Variants in RGS6 observed in about 807,000 individuals in gnomAD.
RGS6 encodes regulator of G protein signaling 6.
RGS6 carries 30 observed loss-of-function variants against 78.5 expected under a neutral mutation model. That is an observed-to-expected ratio of 0.38 (90% CI 0.29 to 0.52). The LOEUF (loss-of-function observed/expected upper bound fraction) is 0.52. Among genes scored for constraint, RGS6 ranks in the 20% least tolerant of loss-of-function variants. RGS6 has a pLI of 0.85. For missense variants in RGS6, 495 were observed against 609.7 expected (o/e 0.81, Z 1.98); for synonymous variants, 206 against 206.0 (o/e 1.00, Z 0.00).
At chr14:72,573,603 T>G in the RGS6 span, among the ~76,000 whole-genome samples, 4 of 152,122 alleles carry the variant, frequency 2.6e-5, no homozygotes, top group Non-Finnish European at 5.9e-5. Flanking sequence ...CAAATTGAAG[T>G]CCAGAATAGA....
At chr14:71,961,788 CT>C (rs370459445) in intron 1 of RGS6, among the ~76,000 whole-genome samples, 1 of 152,252 alleles carries the variant, frequency 6.6e-6, no homozygotes, top group African/African-American at 2.4e-5. Context: ...ATTGAAGCCC[CT>C]GGGTTGTTTA....
intron 2 of RGS6, among the ~76,000 whole-genome samples, chr14:72,096,280 TAA>T (rs34691700): frequency 7.6e-5 from 11 of 144,172 alleles, no homozygotes; most frequent in Admixed American, 1.4e-4. Context: ...GACTCTGTCT[TAA>T]AAAAAAAAAA....
intron 17 of RGS6, among the ~76,000 whole-genome samples, chr14:72,544,436 T>C (rs180960048): frequency 5.2e-4 from 79 of 152,250 alleles, no homozygotes; most frequent in Non-Finnish European, 8.2e-4. Context: ...AGCTCCAGCC[T>C]TGGGCTCCAA....
intron 2 of RGS6, among the ~76,000 whole-genome samples, chr14:72,138,492 G>C (rs1224552289): frequency 1.5e-5 from 2 of 134,734 alleles, no homozygotes; most frequent in East Asian, 4.5e-4. Context: ...TGGAGGGAGA[G>C]TTCTTCTATC....
At chr14:71,880,215 G>A in the RGS6 span, among the ~76,000 whole-genome samples, 13 of 152,334 alleles carry the variant, frequency 8.5e-5, 1 homozygote, top group African/African-American at 2.6e-4. Flanking sequence ...TGACTTGGGT[G>A]CTGTTAAAGG....
intron 2 of RGS6, among the ~76,000 whole-genome samples, chr14:72,246,564 CTA>C (rs1327687300): frequency 6.6e-6 from 1 of 152,066 alleles, no homozygotes; most frequent in Non-Finnish European, 1.5e-5. Flanking sequence ...TAATAAAAGA[CTA>C]TGTTTTATGT....
chr14:72,084,662 G>A (rs1034914124), intron 2 of RGS6, among the ~76,000 whole-genome samples: 1 of 152,002 alleles, frequency 6.6e-6, no homozygotes, highest in African/African-American at 2.4e-5. Context: ...CTTTTATTGT[G>A]TTTAGCAATC....
At chr14:72,247,259 A>T (rs945362087) in intron 2 of RGS6, among the ~76,000 whole-genome samples, 1 of 152,152 alleles carries the variant, frequency 6.6e-6, no homozygotes, top group Non-Finnish European at 1.5e-5. Flanking sequence ...GCTCCCTGAA[A>T]GTTGGGGTTA....
At chr14:72,609,105 A>C in the RGS6 span, among the ~76,000 whole-genome samples, 1 of 152,256 alleles carries the variant, frequency 6.6e-6, no homozygotes, top group African/African-American at 2.4e-5. Context: ...GTGGGTAGTC[A>C]ACATTGCTAA....
chr14:72,411,244 A>C (rs999914083), intron 3 of RGS6, among the ~76,000 whole-genome samples: 1 of 151,988 alleles, frequency 6.6e-6, no homozygotes, highest in Non-Finnish European at 1.5e-5. Context: ...CTTTTATTTC[A>C]TTGAGTAGTG....
intron 2 of RGS6, among the ~76,000 whole-genome samples, chr14:72,265,059 A>G (rs964632545): frequency 3.9e-5 from 6 of 152,134 alleles, no homozygotes; most frequent in African/African-American, 1.4e-4. Context: ...AATGTGGGAG[A>G]ATGGAATTAG....
chr14:72,023,309 C>G lies in RGS6; in HGVS notation c.84+58434C>G, dbSNP rs144164372. On this transcript the variant is annotated intron_variant, in intron 2 of 17. Transcript: ENST00000553525. ...TCCGGCTACCCAAGAAAGTCAATTT[C>G]CTTCTTTAATAGCTGTGACTCATTT... 4.6e-3 allele frequency among the ~76,000 whole-genome samples: 698 copies of G among 152,288 alleles called. 4 individuals are homozygous for G. Among genetic ancestry groups the G allele is most frequent in the African/African-American group, 0.015 (640 of 41,560 alleles).
At chr14:72,223,442 T>G (rs958242399) in intron 2 of RGS6, among the ~76,000 whole-genome samples, 1 of 152,256 alleles carries the variant, frequency 6.6e-6, no homozygotes, top group African/African-American at 2.4e-5. Context: ...TAGTCATTAG[T>G]CTCTGCCAGT....
chr14:72,473,639 T>A (rs563499846), intron 9 of RGS6, among the ~76,000 whole-genome samples: 10 of 151,122 alleles, frequency 6.6e-5, no homozygotes, highest in African/African-American at 2.4e-4. Context: ...TCCATGGCAG[T>A]TATGTTCTAT....
intron 3 of RGS6, among the ~76,000 whole-genome samples, chr14:72,391,782 T>G (rs2090050760): frequency 6.6e-6 from 1 of 152,188 alleles, no homozygotes; most frequent in Admixed American, 6.5e-5. Context: ...TGGTGTGTGA[T>G]GTTCCCCTCT....
chr14:71,994,168 T>C (rs958062725), intron 2 of RGS6, among the ~76,000 whole-genome samples: 1 of 152,086 alleles, frequency 6.6e-6, no homozygotes, highest in Non-Finnish European at 1.5e-5. Flanking sequence ...CTTTCCTTTG[T>C]TTAGCCTGTT....
At chr14:71,883,489 G>A in the RGS6 span, among the ~76,000 whole-genome samples, 3 of 152,174 alleles carry the variant, frequency 2.0e-5, no homozygotes, top group Admixed American at 1.3e-4. Context: ...AACCCTCAGT[G>A]TGGCCCGGCC....
intron 2 of RGS6, among the ~76,000 whole-genome samples, chr14:72,346,093 A>G (rs923118680): frequency 6.6e-6 from 1 of 152,226 alleles, no homozygotes; most frequent in African/African-American, 2.4e-5. Flanking sequence ...GAAACAGGCA[A>G]CTGATTGCAA....
chr14:71,970,934 A>ATT (rs2093763305), intron 2 of RGS6, among the ~76,000 whole-genome samples: 1 of 152,174 alleles, frequency 6.6e-6, no homozygotes, highest in Non-Finnish European at 1.5e-5. Flanking sequence ...ACTAGGAATT[A>ATT]ACCAGATGGA....
Sources: gnomAD v4.1 joint callset for allele counts (sites outside exome capture counted in the v4.1 genomes callset) on GRCh38, gnomAD v4.1.1 for gene constraint, MANE v1.5 for transcripts, NCBI Gene and HGNC (gene_info 2026-07-23, HGNC 2026-07-21) for gene names.